The following MYO1D variants were observed in gnomAD, a reference collection of about 807,000 sequenced individuals.
MYO1D encodes unconventional myosin-Id.
MYO1D carries 83 observed loss-of-function variants against 122.0 expected under a neutral mutation model. The ratio of observed to expected loss-of-function variants is 0.68; its 90% confidence interval spans 0.57 to 0.82. MYO1D has a LOEUF of 0.82. Among genes scored for constraint, MYO1D ranks in the 40% least tolerant of loss-of-function variants. The pLI, the probability that MYO1D is intolerant of heterozygous loss-of-function variation, is 0.00. For synonymous variants in MYO1D, 464 were observed against 446.9 expected (o/e 1.04, Z -0.48); for missense variants, 1,157 against 1,269.5 (o/e 0.91, Z 1.35).
intron 21 of MYO1D, among the ~76,000 whole-genome samples, chr17:32,558,905 A>C (rs2087092994): frequency 6.6e-6 from 1 of 152,244 alleles, no homozygotes; most frequent in Non-Finnish European, 1.5e-5. Flanking sequence ...TCCATGCCTC[A>C]GTTTCTCCAG....
At chr17:32,731,568 G>C (rs1238589626) in intron 14 of MYO1D, among the ~76,000 whole-genome samples, 3 of 152,104 alleles carry the variant, frequency 2.0e-5, no homozygotes, top group Non-Finnish European at 2.9e-5. Flanking sequence ...ATTTTCCTTA[G>C]AGCTTTGTGG....
chr17:32,642,959 G>C (rs2088226088), intron 19 of MYO1D, among the ~76,000 whole-genome samples: 1 of 151,982 alleles, frequency 6.6e-6, no homozygotes. Flanking sequence ...TTCCAACACT[G>C]TTGAATAGGA....
chr17:32,871,058 T>C (rs1302519682), intron 1 of MYO1D, among the ~76,000 whole-genome samples: 1 of 152,128 alleles, frequency 6.6e-6, no homozygotes, highest in African/African-American at 2.4e-5. Flanking sequence ...TCACATCTGG[T>C]CTTGAAGGAT....
chr17:32,671,279 G>A (rs561473239), intron 16 of MYO1D, among the ~76,000 whole-genome samples: 9 of 152,294 alleles, frequency 5.9e-5, no homozygotes, highest in East Asian at 1.9e-4. Flanking sequence ...TGCTTGGAGC[G>A]GCCAGCCAGA....
intron 20 of MYO1D, among the ~76,000 whole-genome samples, chr17:32,619,094 A>G (rs1233966391): frequency 1.3e-5 from 2 of 152,156 alleles, no homozygotes; most frequent in South Asian, 4.1e-4. Context: ...TAGTTTCACG[A>G]AAAATTCAAT....
chr17:32,772,650 G>C, intron 5 of MYO1D, 139 bp downstream of exon 5: 1 of 707,836 alleles, frequency 1.4e-6, no homozygotes, highest in South Asian at 1.6e-5. Context: ...TGGTGCGTGC[G>C]TGCGTGCGTG....
At chr17:32,828,137 A>G (rs1308741972) in intron 1 of MYO1D, among the ~76,000 whole-genome samples, 2 of 152,220 alleles carry the variant, frequency 1.3e-5, no homozygotes, top group Non-Finnish European at 2.9e-5. Flanking sequence ...AATGGCAGGC[A>G]TTATTTTCCA....
intron 1 of MYO1D, among the ~76,000 whole-genome samples, chr17:32,864,351 GTCCCT>G (rs2091105954): frequency 1.3e-5 from 2 of 151,840 alleles, no homozygotes. Flanking sequence ...GTAAAGGCAT[GTCCCT>G]TAGAAACACT....
At chr17:32,767,456 G>A (rs1174657100) in intron 7 of MYO1D, among the ~76,000 whole-genome samples, 180 bp downstream of exon 7, 3 of 152,106 alleles carry the variant, frequency 2.0e-5, no homozygotes. Flanking sequence ...TAGTAGCTTG[G>A]AAAATCCCTC....
intron 21 of MYO1D, among the ~76,000 whole-genome samples, chr17:32,569,836 G>A (rs559989951): frequency 3.2e-4 from 48 of 152,228 alleles, no homozygotes; most frequent in Admixed American, 7.9e-4. Flanking sequence ...AATAAGATCC[G>A]GGAATAAAGG....
chr17:32,691,404 CTTTTT>C (rs57902806), intron 16 of MYO1D, among the ~76,000 whole-genome samples: 3 of 110,464 alleles, frequency 2.7e-5, no homozygotes, highest in African/African-American at 3.6e-5. Flanking sequence ...AAAGAAAATT[CTTTTT>C]TTTTTTTTTT....
intron 1 of MYO1D, among the ~76,000 whole-genome samples, chr17:32,784,524 A>T (rs2090272762): frequency 6.6e-6 from 1 of 152,148 alleles, no homozygotes; most frequent in African/African-American, 2.4e-5. Flanking sequence ...TAGTAAGTTT[A>T]AAAATATTTA....
intron 15 of MYO1D, 57 bp downstream of exon 15, chr17:32,720,966 C>T (rs939244998): frequency 1.8e-5 from 28 of 1,529,754 alleles, no homozygotes; most frequent in African/African-American, 6.9e-5. Context: ...CACTATTGTA[C>T]GGGGAGGACT....
intron 21 of MYO1D, among the ~76,000 whole-genome samples, chr17:32,516,575 T>C (rs138410319): frequency 8.5e-5 from 13 of 152,336 alleles, no homozygotes; most frequent in Non-Finnish European, 1.8e-4. Flanking sequence ...AACCTTTGTC[T>C]CCCTGCCCCC....
At chr17:32,688,674 T>C (rs964499467) in intron 16 of MYO1D, among the ~76,000 whole-genome samples, 3 of 151,988 alleles carry the variant, frequency 2.0e-5, no homozygotes, top group Non-Finnish European at 2.9e-5. Context: ...GGAGACGTGG[T>C]TGGTTGGAGC....
At chr17:32,668,894 C>T (rs141869014) in intron 16 of MYO1D, among the ~76,000 whole-genome samples, 17 of 151,932 alleles carry the variant, frequency 1.1e-4, no homozygotes, top group Admixed American at 3.9e-4. Context: ...AGTAGAGACG[C>T]GGTTTTACCA....
rs2090253655 is a variant in MYO1D, at chr17:32,782,822, C to G, written c.96-2038G>C. On this transcript the variant is annotated intron_variant, in intron 1 of 21. Coordinates refer to ENST00000318217, the MANE Select transcript of MYO1D (RefSeq NM_015194.3). ...TGGTGGTGCACACTTATAATCCTAGCTACTTGGGAGGCTGAGGCGGGAGGA... is the reference window on the plus strand; with the variant it reads ...TGGTGGTGCACACTTATAATCCTAGGTACTTGGGAGGCTGAGGCGGGAGGA... Among the ~76,000 whole-genome samples the G allele has an allele frequency of 5.3e-5, 8 of 151,980 alleles. 1 individual carries two copies. The highest frequency in any genetic ancestry group is 4.6e-4 in the Admixed American group (7 of 15,250).
chr17:32,659,511 G>A, intron 16 of MYO1D, 173 bp from the exon 17 acceptor site: 1 of 622,760 alleles, frequency 1.6e-6, no homozygotes, highest in Non-Finnish European at 2.8e-6. Context: ...CAGATGGCGT[G>A]GGGAGTCACA....
intron 21 of MYO1D, among the ~76,000 whole-genome samples, chr17:32,582,535 CATA>C (rs541356353): frequency 8.5e-5 from 13 of 152,098 alleles, no homozygotes; most frequent in Non-Finnish European, 1.3e-4. Context: ...AATGCTTTTA[CATA>C]ATATTTACTG....
Sources: gnomAD v4.1 joint callset for allele counts (sites outside exome capture counted in the v4.1 genomes callset) on GRCh38, gnomAD v4.1.1 for gene constraint, MANE v1.5 for transcripts, NCBI Gene and HGNC (gene_info 2026-07-23, HGNC 2026-07-21) for gene names.